The following ASCC1 variants were observed in gnomAD, a reference collection of about 807,000 sequenced individuals.
ASCC1 encodes the protein ASC-1 complex subunit P50.
A neutral mutation model predicts 46.6 loss-of-function variants in ASCC1; 35 were observed. The ratio of observed to expected loss-of-function variants is 0.75; its 90% confidence interval spans 0.57 to 0.99. The LOEUF is 0.99. ASCC1 is among the 50% of genes least tolerant of loss of function. The probability of loss-of-function intolerance (pLI) is 0.00; values close to 1 mark genes in which losing one functional copy is unlikely to be tolerated. For synonymous variants in ASCC1, 143 were observed against 146.6 expected (o/e 0.98, Z 0.18); for missense variants, 376 against 428.7 (o/e 0.88, Z 1.09).
intron 9 of ASCC1, among the ~76,000 whole-genome samples, chr10:72,105,460 G>A (rs906766495): frequency 2.6e-5 from 4 of 152,216 alleles, no homozygotes; most frequent in African/African-American, 4.8e-5. Context: ...GGGCACCCCC[G>A]TCACAAGTCT....
intron 9 of ASCC1, among the ~76,000 whole-genome samples, chr10:72,111,849 A>G (rs1163255005): frequency 2.6e-5 from 4 of 152,070 alleles, no homozygotes. Flanking sequence ...TCACTGTGTT[A>G]GCCAGGATGG....
intron 8 of ASCC1, among the ~76,000 whole-genome samples, chr10:72,132,241 C>A (rs1845697194): frequency 6.6e-6 from 1 of 152,052 alleles, no homozygotes; most frequent in Non-Finnish European, 1.5e-5. Flanking sequence ...GACCTTGGTG[C>A]TGCTAGTGTA....
intron 5 of ASCC1, among the ~76,000 whole-genome samples, chr10:72,193,422 A>G (rs1854844508): frequency 6.7e-6 from 1 of 149,584 alleles, no homozygotes; most frequent in East Asian, 1.9e-4. Flanking sequence ...TCTCAAAAAG[A>G]CAAAACTACA....
intron 5 of ASCC1, among the ~76,000 whole-genome samples, chr10:72,180,399 G>A (rs1187093907): frequency 6.6e-6 from 1 of 152,176 alleles, no homozygotes. Context: ...GCCTAGGCAG[G>A]CAGATCACTT....
At chr10:72,171,981 G>A (rs1400581456) in intron 5 of ASCC1, among the ~76,000 whole-genome samples, 2 of 152,178 alleles carry the variant, frequency 1.3e-5, no homozygotes, top group Non-Finnish European at 2.9e-5. Context: ...AGGGGAAGAA[G>A]ACAAAGGCAA....
At chr10:72,112,740 A>G (rs1490208374) in intron 9 of ASCC1, among the ~76,000 whole-genome samples, 7 of 151,940 alleles carry the variant, frequency 4.6e-5, no homozygotes, top group African/African-American at 1.2e-4. Context: ...TTTGCCAGGC[A>G]TGGTGGCACA....
intron 3 of ASCC1, among the ~76,000 whole-genome samples, chr10:72,205,411 A>G: frequency 2.0e-5 from 3 of 152,248 alleles, no homozygotes; most frequent in Admixed American, 2.0e-4. Flanking sequence ...GGGGGGGATC[A>G]CCTGAGGTGA....
intron 9 of ASCC1, among the ~76,000 whole-genome samples, chr10:72,100,822 C>T (rs1348249399): frequency 6.6e-6 from 1 of 152,034 alleles, no homozygotes; most frequent in Non-Finnish European, 1.5e-5. Flanking sequence ...TGCATCTGAT[C>T]GATAAATATC....
At chr10:72,119,479 A>G (rs1444775109) in intron 9 of ASCC1, among the ~76,000 whole-genome samples, 1 of 152,150 alleles carries the variant, frequency 6.6e-6, no homozygotes, top group African/African-American at 2.4e-5. Context: ...AGCTCCCTCC[A>G]GTCTTCCACA....
At chr10:72,110,309 G>A (rs571871715) in intron 9 of ASCC1, among the ~76,000 whole-genome samples, 2 of 152,334 alleles carry the variant, frequency 1.3e-5, no homozygotes, top group East Asian at 3.9e-4. Context: ...TCCTTAGAGG[G>A]GAGTACACAG....
At chr10:72,155,494 T>C (rs1276529700) in intron 6 of ASCC1, among the ~76,000 whole-genome samples, 4 of 152,162 alleles carry the variant, frequency 2.6e-5, no homozygotes, top group Non-Finnish European at 5.9e-5. Context: ...TGCACAGGTA[T>C]AGACATTGGT....
chr10:72,167,441 G>C (rs1850493463), intron 5 of ASCC1, among the ~76,000 whole-genome samples: 1 of 152,198 alleles, frequency 6.6e-6, no homozygotes. Context: ...ACAGTTGCCT[G>C]TGGTGAGGAG....
At chr10:72,189,280 C>T (rs1178951800) in intron 5 of ASCC1, among the ~76,000 whole-genome samples, 2 of 151,202 alleles carry the variant, frequency 1.3e-5, no homozygotes, top group Non-Finnish European at 2.9e-5. Flanking sequence ...GGGTGGCGGG[C>T]GCCTGTGGTC....
chr10:72,204,867 C>G (rs1482570323), intron 3 of ASCC1, among the ~76,000 whole-genome samples: 3 of 152,158 alleles, frequency 2.0e-5, no homozygotes, highest in African/African-American at 7.2e-5. Flanking sequence ...GGAGTGCTTT[C>G]TGTCAGGCTC....
chr10:72,133,461 G>A (rs1589280900), intron 7 of ASCC1: 1 of 426,146 alleles, frequency 2.3e-6, no homozygotes, highest in East Asian at 5.1e-5. Flanking sequence ...GGTTTCCACA[G>A]GAGGTTTAGA....
chr10:72,204,437 T>C lies in ASCC1; in HGVS notation c.213-913A>G, dbSNP rs1856917147. 1 of 1,550,418 alleles carries C rather than the reference T, an allele frequency of 6.4e-7. No homozygotes were observed. The highest frequency in any genetic ancestry group is 8.7e-7 in the Non-Finnish European group (1 of 1,146,932). On this transcript the variant is annotated intron_variant, in intron 3 of 9. Transcript: ENST00000672957. ...CATTACTTGCCTGGACTTCCAAGTA[T>C]AAATATTCTGACAATCCAAAGTTAT...
intron 5 of ASCC1, among the ~76,000 whole-genome samples, chr10:72,168,626 T>C (rs1850673816): frequency 6.6e-6 from 1 of 152,218 alleles, no homozygotes. Context: ...TTCCACTCAA[T>C]GTAAATGTAT....
intron 9 of ASCC1, among the ~76,000 whole-genome samples, chr10:72,110,613 C>T (rs2132010260): frequency 6.6e-6 from 1 of 152,064 alleles, no homozygotes; most frequent in Non-Finnish European, 1.5e-5. Flanking sequence ...ATGGTGAAAC[C>T]CCGTCTCTAC....
At chr10:72,174,598 T>C (rs974646216) in intron 5 of ASCC1, among the ~76,000 whole-genome samples, 14 of 152,220 alleles carry the variant, frequency 9.2e-5, no homozygotes, top group African/African-American at 2.9e-4. Context: ...ACCCAGAATG[T>C]AAATAATTTA....
Sources: allele counts gnomAD v4.1 joint callset (sites outside exome capture counted in the v4.1 genomes callset), GRCh38; gene constraint gnomAD v4.1.1; transcripts MANE v1.5; gene names NCBI Gene and HGNC (gene_info 2026-07-23, HGNC 2026-07-21).